The following PLCL2 variants were observed in gnomAD, a reference collection of about 807,000 sequenced individuals.
PLCL2 encodes the protein phospholipase C like 2.
PLCL2 carries 4 observed loss-of-function variants against 79.6 expected under a neutral mutation model. The ratio of observed to expected loss-of-function variants is 0.05; its 90% CI spans 0.02 to 0.11. The LOEUF is 0.11. Ranked by LOEUF, PLCL2 falls within the 10% of genes least tolerant of loss-of-function variation. The pLI is 1.00. For missense variants in PLCL2, 895 were observed against 1,291.0 expected (o/e 0.69, Z 4.70); for synonymous variants, 484 against 457.7 (o/e 1.06, Z -0.73).
At chr3:16,956,650 A>C (rs2063708781) in intron 1 of PLCL2, among the ~76,000 whole-genome samples, 1 of 152,068 alleles carries the variant, frequency 6.6e-6, no homozygotes, top group South Asian at 2.1e-4. Context: ...CTGTGAATCC[A>C]TCTGGTCCTG....
intron 1 of PLCL2, among the ~76,000 whole-genome samples, chr3:16,975,604 G>A: frequency 6.6e-6 from 1 of 152,148 alleles, no homozygotes; most frequent in East Asian, 1.9e-4. Context: ...GTGATGCTCA[G>A]ACACAGGCCC....
chr3:16,899,270 T>C (rs936900493), intron 1 of PLCL2, among the ~76,000 whole-genome samples: 1 of 152,212 alleles, frequency 6.6e-6, no homozygotes, highest in African/African-American at 2.4e-5. Context: ...AGAGGAACAG[T>C]TGAGCATCTA....
intron 4 of PLCL2, among the ~76,000 whole-genome samples, chr3:17,045,860 A>G (rs1262052363): frequency 2.0e-5 from 3 of 152,194 alleles, no homozygotes; most frequent in Non-Finnish European, 4.4e-5. Context: ...ACATTTAGAA[A>G]AATTCTGAAA....
At chr3:16,919,572 T>C (rs1697075912) in intron 1 of PLCL2, among the ~76,000 whole-genome samples, 1 of 152,208 alleles carries the variant, frequency 6.6e-6, no homozygotes, top group African/African-American at 2.4e-5. Context: ...TTCTTTACTT[T>C]TTCTTTCTTT....
chr3:17,053,041 G>A (rs189577143), intron 4 of PLCL2, among the ~76,000 whole-genome samples: 43 of 152,268 alleles, frequency 2.8e-4, no homozygotes, highest in Non-Finnish European at 1.3e-4. Context: ...TGTTGTTGAA[G>A]GGTCAATTAT....
At chr3:17,046,129 T>C (rs1377660298) in intron 4 of PLCL2, among the ~76,000 whole-genome samples, 1 of 152,186 alleles carries the variant, frequency 6.6e-6, no homozygotes, top group Non-Finnish European at 1.5e-5. Flanking sequence ...TGGGTCTCTA[T>C]AATTCATAAG....
At chr3:17,073,435 C>T (rs2065079974) in intron 5 of PLCL2, among the ~76,000 whole-genome samples, 1 of 152,154 alleles carries the variant, frequency 6.6e-6, no homozygotes, top group African/African-American at 2.4e-5. Context: ...AATCCTTTTG[C>T]TGGTGGAGGG....
chr3:16,975,498 A>C (rs1342700199), intron 1 of PLCL2, among the ~76,000 whole-genome samples: 1 of 152,178 alleles, frequency 6.6e-6, no homozygotes, highest in African/African-American at 2.4e-5. Flanking sequence ...TAATTACAGA[A>C]TCCAAAGGAT....
rs150043774 is a variant in PLCL2, at chr3:17,010,867, A to G, written c.1521A>G (p.Ala507=). The change falls in exon 2 of 6, where the codon GCA becomes GCG. Residue 507 remains alanine, a synonymous_variant. Coordinates refer to ENST00000615277, the MANE Select transcript of PLCL2 (RefSeq NM_001144382.2). The surrounding 1 kb of genome is among the most constrained non-coding windows in gnomAD (Gnocchi z 5.8). Reference sequence around the variant, plus strand: ...TCATTGATATTATTAACAAGTATGCATTCTTTGCTTCAGAGTATCCTCTTA... The same window carrying G: ...TCATTGATATTATTAACAAGTATGCGTTCTTTGCTTCAGAGTATCCTCTTA... ...RSVIDIINKY[A]FFASEYPLIL... 12 of 1,613,894 alleles carry G rather than the reference A, an allele frequency of 7.4e-6. No homozygotes were observed. The highest frequency in any genetic ancestry group is 1.3e-5 in the African/African-American group (1 of 74,932).
At chr3:17,075,932 A>G (rs980796416) in intron 5 of PLCL2, among the ~76,000 whole-genome samples, 1 of 152,196 alleles carries the variant, frequency 6.6e-6, no homozygotes, top group Non-Finnish European at 1.5e-5. Context: ...ATTTATGGAC[A>G]TTTGTGTTGT....
At position 16,885,058 on chromosome 3, in the gene PLCL2, G is replaced by T. The variant is rs1360967808; in HGVS notation, c.19G>T (p.Gly7Trp). 1.3e-5 allele frequency: 5 copies of T among 372,364 alleles called. No homozygotes were observed. Among genetic ancestry groups the T allele is most frequent in the African/African-American group, 8.5e-5 (4 of 47,196 alleles). 23.1% of individuals were successfully genotyped at this position (372,364 alleles called of 1,614,324 possible). Reference sequence around the variant, plus strand: ...GGCGCCCATGGCGGAGTGCGGCCGGGGGGGCGCCGCCGGCGGGGCCCTGCC... The same window carrying T: ...GGCGCCCATGGCGGAGTGCGGCCGGTGGGGCGCCGCCGGCGGGGCCCTGCC... MAECGR[G>W]GAAGGALPTS... Residue 7 changes from glycine (G) to tryptophan (W), a missense_variant, in exon 1 of 6, where the codon GGG becomes TGG. Around this residue, in one of 6 missense-constraint regions of PLCL2, gnomAD observed 110 missense variants for 42.9 expected, o/e 2.56. Transcript: ENST00000615277.
At chr3:16,959,473 G>GC (rs1181176179) in intron 1 of PLCL2, among the ~76,000 whole-genome samples, 4 of 151,812 alleles carry the variant, frequency 2.6e-5, no homozygotes, top group Non-Finnish European at 5.9e-5. Context: ...GGCTTTTATC[G>GC]CATTATCTGT....
chr3:16,933,534 A>T (rs1447748529), intron 1 of PLCL2, among the ~76,000 whole-genome samples: 1 of 152,024 alleles, frequency 6.6e-6, no homozygotes, highest in East Asian at 1.9e-4. Context: ...TTCCAGAGAG[A>T]TATTTGACTC....
chr3:16,944,210 A>G (rs1402177892), intron 1 of PLCL2, among the ~76,000 whole-genome samples: 2 of 152,260 alleles, frequency 1.3e-5, no homozygotes, highest in Admixed American at 6.5e-5. Flanking sequence ...TGTAATGCAC[A>G]TAAAGTGCTT....
At chr3:16,926,662 C>T (rs1461293630) in intron 1 of PLCL2, among the ~76,000 whole-genome samples, 1 of 151,466 alleles carries the variant, frequency 6.6e-6, no homozygotes, top group African/African-American at 2.4e-5. Context: ...GACAGAGTCT[C>T]CCTCTGTCTC....
chr3:16,985,991 G>A lies in PLCL2; in HGVS notation c.328-23683G>A, dbSNP rs777467050. Among the ~76,000 whole-genome samples the A allele has an allele frequency of 6.0e-4, 92 of 152,138 alleles. 1 individual carries two copies. The highest frequency in any genetic ancestry group is 5.2e-4 in the Admixed American group (8 of 15,270). On this transcript the variant is annotated intron_variant, in intron 1 of 5. Coordinates refer to ENST00000615277, the MANE Select transcript of PLCL2 (RefSeq NM_001144382.2). ...ACATAAGAAGCCCATAAGTCTGAGC[G>A]GCTTTGGGCATGTTATTGGGAGTGG...
intron 1 of PLCL2, among the ~76,000 whole-genome samples, chr3:16,942,443 A>G (rs1299954753): frequency 6.6e-6 from 1 of 152,114 alleles, no homozygotes; most frequent in Non-Finnish European, 1.5e-5. Flanking sequence ...CTGGCAGGCT[A>G]GAAAACAAGC....
Position 17,090,226 on chromosome 3 carries a change from A to C in PLCL2, c.*314A>C. The C allele has an allele frequency of 9.8e-7, 1 of 1,020,576 alleles. No individual in the cohort carries two copies. The highest frequency in any genetic ancestry group is 4.6e-5 in the South Asian group (1 of 21,716). 63.2% of individuals were successfully genotyped at this position (1,020,576 alleles called of 1,614,324 possible). A position where few individuals can be genotyped will look rare whatever the true frequency, so the allele number is the denominator to read the frequency against. On this transcript the variant is annotated 3_prime_UTR_variant, in exon 6 of 6. Transcript: ENST00000615277. ...CACTGAGAAACATTTTCCTAAGTGAAAACAATTTCTTAAGATGGAAATGGA... is the reference window on the plus strand; with the variant it reads ...CACTGAGAAACATTTTCCTAAGTGACAACAATTTCTTAAGATGGAAATGGA...
chr3:16,889,529 C>A (rs1696300144), intron 1 of PLCL2, among the ~76,000 whole-genome samples: 1 of 152,208 alleles, frequency 6.6e-6, no homozygotes, highest in African/African-American at 2.4e-5. Flanking sequence ...AATGATCTGA[C>A]CTTGCCCAAG....
Sources: allele counts gnomAD v4.1 joint callset (sites outside exome capture counted in the v4.1 genomes callset), GRCh38; gene constraint gnomAD v4.1.1; regional missense constraint gnomAD v4.1.1; non-coding constraint Gnocchi (gnomAD v3.1); transcripts MANE v1.5; gene names NCBI Gene and HGNC (gene_info 2026-07-23, HGNC 2026-07-21).